Variants in MSR1 observed in about 807,000 individuals in gnomAD.
MSR1 encodes the protein macrophage scavenger receptor types I and II.
In MSR1, 53 loss-of-function variants were observed where a neutral mutation model predicts 47.2. The observed-to-expected ratio is 1.12, with a 90% CI of 0.90 to 1.41. MSR1 has a LOEUF of 1.41. MSR1 is among the 40% of genes most tolerant of loss of function. The probability of loss-of-function intolerance (pLI) is 0.00; values close to 1 mark genes in which losing one functional copy is unlikely to be tolerated. For synonymous variants in MSR1, 239 were observed against 185.6 expected (o/e 1.29, Z -2.34); for missense variants, 786 against 546.9 (o/e 1.44, Z -4.36).
rs373563441 is a variant in MSR1 at position 16,139,983 on chromosome 8, G to C, written c.1033+3575C>G. The C allele has an allele frequency of 5.9e-5, 30 of 505,736 alleles. No individual in the cohort carries two copies. The South Asian group carries it at 6.0e-4, about 10-fold the overall frequency. 31.3% of individuals were successfully genotyped at this position (505,736 alleles called of 1,614,324 possible). A position where few individuals can be genotyped will look rare whatever the true frequency, so the allele number is the denominator to read the frequency against. ...ATGTATTGTAATTGCTTGTTCATTTGTCTACATCTCTTAGGGACAATTAGC... is the reference window on the plus strand; with the variant it reads ...ATGTATTGTAATTGCTTGTTCATTTCTCTACATCTCTTAGGGACAATTAGC... On this transcript the variant is annotated intron_variant, in intron 8 of 9. Transcript: ENST00000262101.
intron 5 of MSR1, among the ~76,000 whole-genome samples, chr8:16,156,654 T>C (rs1026426817): frequency 1.3e-5 from 2 of 151,954 alleles, no homozygotes; most frequent in Non-Finnish European, 2.9e-5. Context: ...TTCGTAGTTG[T>C]GTTATTTTAA....
chr8:16,140,800 A>G, intron 8 of MSR1: 1 of 1,501,974 alleles, frequency 6.7e-7, no homozygotes. Flanking sequence ...AAGAAGAGGT[A>G]TGAGCATGGG....
chr8:16,177,432 A>C (rs1476737349), intron 2 of MSR1, among the ~76,000 whole-genome samples: 1 of 152,082 alleles, frequency 6.6e-6, no homozygotes, highest in African/African-American at 2.4e-5. Context: ...GAGGAGGCAC[A>C]GGAAGATTCT....
chr8:16,175,076 A>G (rs1585188382), intron 3 of MSR1, 111 bp downstream of exon 3: 1 of 859,630 alleles, frequency 1.2e-6, no homozygotes, highest in Non-Finnish European at 1.9e-6. Context: ...GTAATGCAGT[A>G]TTTTCTTTAT....
chr8:16,128,508 G>A (rs775871726), intron 8 of MSR1, among the ~76,000 whole-genome samples: 13 of 152,086 alleles, frequency 8.5e-5, no homozygotes, highest in Non-Finnish European at 1.9e-4. Flanking sequence ...CCTGCCCCCA[G>A]CTTGATCATG....
chr8:16,182,979 C>A (rs1801879846), intron 1 of MSR1, among the ~76,000 whole-genome samples: 1 of 152,118 alleles, frequency 6.6e-6, no homozygotes, highest in Non-Finnish European at 1.5e-5. Context: ...AGCATCACCA[C>A]AAATATGTGA....
chr8:16,140,871 C>T, intron 8 of MSR1: 1 of 1,598,030 alleles, frequency 6.3e-7, no homozygotes, highest in South Asian at 1.1e-5. Context: ...TCAGGTACAA[C>T]ACGGGAACCA....
chr8:16,183,555 T>C (rs923944558), intron 1 of MSR1, among the ~76,000 whole-genome samples: 1 of 145,288 alleles, frequency 6.9e-6, no homozygotes, highest in Non-Finnish European at 1.5e-5. Flanking sequence ...ATATACATTA[T>C]ATAATATATA....
intron 8 of MSR1, among the ~76,000 whole-genome samples, chr8:16,122,033 T>A (rs770363382): frequency 1.3e-5 from 2 of 152,078 alleles, no homozygotes; most frequent in African/African-American, 4.8e-5. Context: ...ACCTGAGCTA[T>A]GCAGAAACAT....
intron 8 of MSR1, among the ~76,000 whole-genome samples, chr8:16,126,851 C>T (rs1585141227): frequency 6.6e-6 from 1 of 152,056 alleles, no homozygotes; most frequent in Non-Finnish European, 1.5e-5. Context: ...GCCACTGCAC[C>T]CGGCCATAGG....
intron 1 of MSR1, among the ~76,000 whole-genome samples, chr8:16,189,914 C>G (rs943230271): frequency 7.7e-6 from 1 of 129,748 alleles, no homozygotes; most frequent in South Asian, 2.4e-4. Flanking sequence ...ATAAATATTT[C>G]CTTTTTTTTT....
At chr8:16,185,898 T>C (rs76510768) in intron 1 of MSR1, among the ~76,000 whole-genome samples, 2,006 of 145,986 alleles carry the variant, frequency 0.014, 20 homozygotes, top group Non-Finnish European at 0.021. Flanking sequence ...TGATATTCAG[T>C]GGGTGAGTAG....
At chr8:16,131,957 C>T (rs781295322) in intron 8 of MSR1, among the ~76,000 whole-genome samples, 6 of 148,510 alleles carry the variant, frequency 4.0e-5, no homozygotes, top group South Asian at 4.2e-4. Context: ...TGGCTTGGCT[C>T]TTTGGGCTCT....
intron 8 of MSR1, among the ~76,000 whole-genome samples, chr8:16,141,847 G>C (rs1800565503): frequency 6.6e-6 from 1 of 152,090 alleles, no homozygotes; most frequent in Non-Finnish European, 1.5e-5. Flanking sequence ...TTTCTTATTT[G>C]CAAAACTTGA....
chr8:16,179,031 T>A (rs1210426412), intron 1 of MSR1, among the ~76,000 whole-genome samples: 3 of 152,198 alleles, frequency 2.0e-5, no homozygotes, highest in Non-Finnish European at 4.4e-5. Flanking sequence ...AAAAGACAGA[T>A]GTATGTGGAA....
chr8:16,189,719 T>C (rs1802136996), intron 1 of MSR1, among the ~76,000 whole-genome samples: 1 of 57,158 alleles, frequency 1.7e-5, no homozygotes, highest in Non-Finnish European at 3.5e-5. Context: ...AATCTTATTT[T>C]ATATATATTT....
At chr8:16,180,665 G>A (rs1222768414) in intron 1 of MSR1, among the ~76,000 whole-genome samples, 5 of 152,176 alleles carry the variant, frequency 3.3e-5, no homozygotes, top group Non-Finnish European at 5.9e-5. Context: ...ATCCAGCTCA[G>A]GAAATGAAGG....
intron 4 of MSR1, among the ~76,000 whole-genome samples, chr8:16,167,292 C>T (rs772927629): frequency 5.9e-5 from 9 of 152,126 alleles, no homozygotes; most frequent in Admixed American, 6.5e-5. Flanking sequence ...GCCTGTAATC[C>T]CAGCACCTTG....
intron 1 of MSR1, among the ~76,000 whole-genome samples, chr8:16,182,255 C>A (rs893456895): frequency 6.6e-6 from 1 of 152,084 alleles, no homozygotes; most frequent in Admixed American, 6.6e-5. Flanking sequence ...CTGTACAGGG[C>A]AATTGGATAA....
Sources: gnomAD v4.1 joint callset for allele counts (sites outside exome capture counted in the v4.1 genomes callset) on GRCh38, gnomAD v4.1.1 for gene constraint, MANE v1.5 for transcripts, NCBI Gene and HGNC (gene_info 2026-07-23, HGNC 2026-07-21) for gene names.